The following ASXL3 variants were observed in gnomAD, a reference collection of about 807,000 sequenced individuals.
The protein encoded by ASXL3 is ASXL transcriptional regulator 3, also known as putative Polycomb group protein ASXL3.
A neutral mutation model predicts 170.6 loss-of-function variants in ASXL3; 34 were observed. The ratio of observed to expected loss-of-function variants is 0.20; its 90% CI spans 0.15 to 0.27. The LOEUF is 0.27. ASXL3 is among the 10% of genes least tolerant of loss of function. The pLI, the probability that ASXL3 is intolerant of heterozygous loss-of-function variation, is 1.00. For synonymous variants in ASXL3, 1,002 were observed against 989.1 expected, an observed-to-expected ratio of 1.01 and a Z score of -0.24; for missense variants, 2,592 against 2,695.3, an observed-to-expected ratio of 0.96 and a Z score of 0.85.
intron 8 of ASXL3, among the ~76,000 whole-genome samples, chr18:33,694,928 T>C (rs1366181362): frequency 6.6e-6 from 1 of 152,100 alleles, no homozygotes; most frequent in Non-Finnish European, 1.5e-5. Context: ...AGAATGTGAT[T>C]TATTGATTTC....
rs146596540 is a variant in ASXL3 at position 33,689,432 on chromosome 18, G to A, written c.879+5864G>A. ...AAATTTAGCCAGTTGTCCCAGTAAT[G>A]TCACGTTTAGCAACAGCATCCAGTA... On this transcript the variant is annotated intron_variant, in intron 8 of 11. Coordinates refer to ENST00000269197, the MANE Select transcript of ASXL3 (RefSeq NM_030632.3). 3.3e-5 allele frequency among the ~76,000 whole-genome samples: 5 copies of A among 152,328 alleles called. No individual in the cohort carries two copies. The East Asian group carries it at 9.6e-4, about 29-fold the overall frequency.
At chr18:33,645,584 G>C (rs1249375670) in intron 3 of ASXL3, among the ~76,000 whole-genome samples, 1 of 151,798 alleles carries the variant, frequency 6.6e-6, no homozygotes, top group Admixed American at 6.6e-5. Context: ...TTTTTATCTA[G>C]GGGAAATGCC....
intron 4 of ASXL3, among the ~76,000 whole-genome samples, chr18:33,654,616 T>G (rs2066053090): frequency 6.6e-6 from 1 of 152,100 alleles, no homozygotes; most frequent in Admixed American, 6.6e-5. Flanking sequence ...TCTCATTTTC[T>G]AGGCTGATTG....
In ASXL3 at chr18:33,590,141, T is replaced by C. The variant is rs2065066228; in HGVS notation, c.54+11456T>C. On this transcript the variant is annotated intron_variant, in intron 1 of 11. Coordinates refer to ENST00000269197, the MANE Select transcript of ASXL3 (RefSeq NM_030632.3). ...TTTTTTTTTTTTTTTGCTTTGTTTT[T>C]TTCTTGGCTTCATGGTGTAGGCAGG... is the stretch of plus-strand genomic sequence containing the variant. Among the ~76,000 whole-genome samples, 5 of 150,686 alleles carry C rather than the reference T, an allele frequency of 3.3e-5. 1 individual carries two copies. The South Asian group carries it at 1.1e-3, about 32-fold the overall frequency.
chr18:33,746,179 C>A lies in ASXL3; in HGVS notation c.6331C>A (p.Gln2111Lys). ...VSYDQNEMKE[Q>K]LKAFALKSAD... ...CTATGACCAGAATGAAATGAAAGAACAGTTAAAAGCATTCGCGCTAAAAAG... is the reference window on the plus strand; with the variant it reads ...CTATGACCAGAATGAAATGAAAGAAAAGTTAAAAGCATTCGCGCTAAAAAG... Residue 2111 changes from glutamine (Q) to lysine (K), a missense_variant, in exon 12 of 12, where the codon CAG becomes AAG. Transcript: ENST00000269197. 1 of 1,613,784 alleles carries A rather than the reference C, an allele frequency of 6.2e-7. No individual in the cohort carries two copies. The highest frequency in any genetic ancestry group is 8.5e-7 in the Non-Finnish European group (1 of 1,179,858).
chr18:33,602,682 G>A (rs889902613), intron 1 of ASXL3, among the ~76,000 whole-genome samples: 2 of 152,064 alleles, frequency 1.3e-5, no homozygotes, highest in Non-Finnish European at 1.5e-5. Context: ...CATCAGTATC[G>A]TAATGCATAC....
At chr18:33,645,027 G>A in intron 3 of ASXL3, 25 bp downstream of exon 3, 1 of 1,423,648 alleles carries the variant, frequency 7.0e-7, no homozygotes, top group Non-Finnish European at 9.6e-7. Context: ...TCTGCATATT[G>A]TTATTACTAT....
intron 10 of ASXL3, among the ~76,000 whole-genome samples, chr18:33,736,441 G>C (rs912285464): frequency 1.3e-5 from 2 of 152,006 alleles, no homozygotes; most frequent in African/African-American, 4.8e-5. Context: ...TTGCATGGCA[G>C]ATACATTTTG....
At position 33,662,635 on chromosome 18, in the gene ASXL3, C is replaced by T. The variant is rs551240871; in HGVS notation, c.477+898C>T. ...AGAGTGTCAGTAAATGGAAGGTTCA[C>T]GTATTTAATTCTGAATTCATAGTTT... On this transcript the variant is annotated intron_variant, in intron 5 of 11. Transcript: ENST00000269197. Among the ~76,000 whole-genome samples, 108 of 152,134 alleles carry T rather than the reference C, an allele frequency of 7.1e-4. 1 individual carries two copies. The highest frequency in any genetic ancestry group is 2.3e-3 in the African/African-American group (97 of 41,526).
intron 4 of ASXL3, among the ~76,000 whole-genome samples, chr18:33,659,451 ATATGC>A: frequency 6.6e-6 from 1 of 152,214 alleles, no homozygotes; most frequent in East Asian, 1.9e-4. Flanking sequence ...AATAAAACAT[ATATGC>A]TAATGCACAC....
At chr18:33,695,305 G>C (rs1348898850) in intron 8 of ASXL3, among the ~76,000 whole-genome samples, 1 of 151,992 alleles carries the variant, frequency 6.6e-6, no homozygotes, top group African/African-American at 2.4e-5. Context: ...GTCTGAAAGC[G>C]TATCTAAAAG....
chr18:33,734,519 T>A, intron 10 of ASXL3, 104 bp downstream of exon 10: 1 of 608,370 alleles, frequency 1.6e-6, no homozygotes, highest in African/African-American at 1.9e-5. Context: ...AATAAACCTG[T>A]GATAAAAGGC....
At chr18:33,659,586 G>C (rs1445647289) in intron 4 of ASXL3, among the ~76,000 whole-genome samples, 1 of 152,110 alleles carries the variant, frequency 6.6e-6, no homozygotes, top group South Asian at 2.1e-4. Flanking sequence ...CATTGAAAAG[G>C]CTATCTGTAT....
In ASXL3 at chr18:33,669,095, A is replaced by G. The variant is rs17733681; in HGVS notation, c.478-1578A>G. 9.5e-4 allele frequency among the ~76,000 whole-genome samples: 144 copies of G among 152,290 alleles called. 2 individuals carry two copies. In the East Asian group the frequency reaches 0.024, roughly 25 times the overall value. On this transcript the variant is annotated intron_variant, in intron 5 of 11. Coordinates refer to ENST00000269197, the MANE Select transcript of ASXL3 (RefSeq NM_030632.3). ...TTAAATTGCTATGCTATGTTGCTGT[A>G]TTCTGTTTTATTATTGATTGATAGG...
At chr18:33,714,228 ACT>A (rs894091933) in intron 8 of ASXL3, among the ~76,000 whole-genome samples, 1 of 151,624 alleles carries the variant, frequency 6.6e-6, no homozygotes, top group Non-Finnish European at 1.5e-5. Context: ...AAACATTTAA[ACT>A]CTGTGTTCAT....
chr18:33,578,693 CCG>C lies in ASXL3; in HGVS notation c.54+10_54+11del. ...GCCGAGGCTGCCCGCCTGGTACGTA[CCG>C]CCCCCCACACGCCGCCCGCGCCTCC... On this transcript the variant is annotated intron_variant, in intron 1 of 11. Coordinates refer to ENST00000269197, the MANE Select transcript of ASXL3 (RefSeq NM_030632.3). 1 of 1,282,806 alleles carries C rather than the reference CCG, an allele frequency of 7.8e-7. No individual in the cohort carries two copies. Among genetic ancestry groups the C allele is most frequent in the South Asian group, 2.1e-5 (1 of 48,494 alleles). 79.5% of individuals were successfully genotyped at this position (1,282,806 alleles called of 1,614,324 possible).
Position 33,646,242 on chromosome 18 carries a change from C to A in ASXL3, c.247-3C>A. 1 of 1,608,008 alleles carries A rather than the reference C, an allele frequency of 6.2e-7. No homozygotes were observed. The highest frequency in any genetic ancestry group is 8.5e-7 in the Non-Finnish European group (1 of 1,176,068). ...TAAATCATCACTTTTCAAAATAATACAGAAAGAGGAGTCGTCATGCCCAGC... is the reference window on the plus strand; with the variant it reads ...TAAATCATCACTTTTCAAAATAATAAAGAAAGAGGAGTCGTCATGCCCAGC... On this transcript the variant is annotated splice_region_variant and splice_polypyrimidine_tract_variant and intron_variant, in intron 3 of 11. Transcript: ENST00000269197.
At chr18:33,637,001 A>G (rs965270653) in intron 2 of ASXL3, among the ~76,000 whole-genome samples, 3 of 152,178 alleles carry the variant, frequency 2.0e-5, no homozygotes, top group Non-Finnish European at 4.4e-5. Context: ...TTAAGTACAT[A>G]GAGATACGTT....
rs571594682 is a variant in ASXL3 at position 33,726,940 on chromosome 18, G to A, written c.880-5028G>A. On this transcript the variant is annotated intron_variant, in intron 8 of 11. Coordinates refer to ENST00000269197, the MANE Select transcript of ASXL3 (RefSeq NM_030632.3). ...GTGCAAGCCCCACCTGAGGGCCTTT[G>A]CATTTATATTCTCTTCGCTTGGCTG... is the stretch of plus-strand genomic sequence containing the variant. 3.9e-5 allele frequency among the ~76,000 whole-genome samples: 6 copies of A among 152,272 alleles called. No individual in the cohort carries two copies. The South Asian group carries it at 1.2e-3, about 32-fold the overall frequency.
Sources: gnomAD v4.1 joint callset for allele counts (sites outside exome capture counted in the v4.1 genomes callset) on GRCh38, gnomAD v4.1.1 for gene constraint, MANE v1.5 for transcripts, NCBI Gene and HGNC (gene_info 2026-07-23, HGNC 2026-07-21) for gene names.